The following MACROD2 variants were observed in gnomAD, a reference collection of about 807,000 sequenced individuals.
The protein encoded by MACROD2 is ADP-ribose glycohydrolase MACROD2.
MACROD2 carries 36 observed loss-of-function variants against 70.4 expected under a neutral mutation model. The ratio of observed to expected loss-of-function variants is 0.51; its 90% CI spans 0.39 to 0.68. MACROD2 has a LOEUF of 0.68. MACROD2 is among the 30% of genes least tolerant of loss of function. The pLI, the probability that MACROD2 is intolerant of heterozygous loss-of-function variation, is 0.00. For synonymous variants in MACROD2, 172 were observed against 178.8 expected, an observed-to-expected ratio of 0.96 and a Z score of 0.30; for missense variants, 496 against 538.4, an observed-to-expected ratio of 0.92 and a Z score of 0.78.
At chr20:14,645,702 C>G (rs1157242926) in intron 4 of MACROD2, among the ~76,000 whole-genome samples, 1 of 151,840 alleles carries the variant, frequency 6.6e-6, no homozygotes, top group African/African-American at 2.4e-5. Flanking sequence ...TACTTGCATT[C>G]AAGTGAAAAT....
chr20:14,717,762 A>G (rs2071413392), intron 5 of MACROD2, among the ~76,000 whole-genome samples: 1 of 152,114 alleles, frequency 6.6e-6, no homozygotes, highest in Admixed American at 6.6e-5. Flanking sequence ...GTGGTTTTCC[A>G]TTACTTTCCT....
At chr20:14,320,109 A>AG (rs1219431008) in intron 3 of MACROD2, among the ~76,000 whole-genome samples, 2 of 152,204 alleles carry the variant, frequency 1.3e-5, no homozygotes, top group African/African-American at 4.8e-5. Flanking sequence ...TACTGCGCAC[A>AG]TAGTCACCTG....
At chr20:15,124,141 T>A (rs2076049774) in intron 5 of MACROD2, among the ~76,000 whole-genome samples, 1 of 152,116 alleles carries the variant, frequency 6.6e-6, no homozygotes, top group African/African-American at 2.4e-5. Flanking sequence ...TGATTTTTTT[T>A]GATGCCACTA....
intron 10 of MACROD2, among the ~76,000 whole-genome samples, chr20:15,898,321 G>A (rs1223733584): frequency 1.3e-5 from 2 of 151,978 alleles, no homozygotes; most frequent in Non-Finnish European, 2.9e-5. Flanking sequence ...AGCCCGAGGC[G>A]GGTGGATCAC....
chr20:15,273,952 C>G lies in MACROD2; in HGVS notation c.540+43891C>G, dbSNP rs2077368574. 2.0e-5 allele frequency among the ~76,000 whole-genome samples: 3 copies of G among 152,170 alleles called. No homozygotes were observed. The South Asian group carries it at 6.2e-4, about 32-fold the overall frequency. ...GATAGTATATACCAAGTACTTATCA[C>G]AGTGGTTTGTTAGCAAATAAGCACT... is the stretch of plus-strand genomic sequence containing the variant. On this transcript the variant is annotated intron_variant, in intron 6 of 17. Coordinates refer to ENST00000684519, the MANE Select transcript of MACROD2 (RefSeq NM_001351661.2).
At chr20:14,602,507 A>C (rs1406124605) in intron 4 of MACROD2, among the ~76,000 whole-genome samples, 2 of 152,170 alleles carry the variant, frequency 1.3e-5, no homozygotes, top group Non-Finnish European at 2.9e-5. Flanking sequence ...GTCCTCAGTA[A>C]CTGGCAGAAT....
intron 5 of MACROD2, among the ~76,000 whole-genome samples, chr20:15,223,053 G>A (rs2076875323): frequency 6.6e-6 from 1 of 152,116 alleles, no homozygotes; most frequent in African/African-American, 2.4e-5. Context: ...ATAGGAGTGG[G>A]GGAGTGCAAA....
chr20:14,038,391 A>G (rs923502687), intron 2 of MACROD2, among the ~76,000 whole-genome samples: 1 of 152,248 alleles, frequency 6.6e-6, no homozygotes, highest in Admixed American at 6.5e-5. Context: ...AATGACTACA[A>G]TAACTCCATG....
At chr20:14,619,831 T>C (rs1258525561) in intron 4 of MACROD2, among the ~76,000 whole-genome samples, 2 of 152,124 alleles carry the variant, frequency 1.3e-5, no homozygotes, top group Non-Finnish European at 2.9e-5. Flanking sequence ...TATTTCTTGT[T>C]CGTGCTATGA....
At chr20:14,841,359 A>C (rs1749232507) in intron 5 of MACROD2, among the ~76,000 whole-genome samples, 1 of 152,324 alleles carries the variant, frequency 6.6e-6, no homozygotes, top group South Asian at 2.1e-4. Flanking sequence ...ATTTGTTCTA[A>C]TAGAAACTTT....
At chr20:14,332,007 G>T (rs541168921) in intron 3 of MACROD2, among the ~76,000 whole-genome samples, 1 of 152,060 alleles carries the variant, frequency 6.6e-6, no homozygotes, top group Admixed American at 6.6e-5. Context: ...GGGTAACTTG[G>T]GAGGAAAACA....
At chr20:16,006,032 G>A (rs1007264615) in intron 15 of MACROD2, among the ~76,000 whole-genome samples, 4 of 152,120 alleles carry the variant, frequency 2.6e-5, no homozygotes, top group African/African-American at 7.2e-5. Context: ...TTAAAGACTT[G>A]AGCAATTTCA....
chr20:15,629,179 TTAAC>T (rs1461147105), intron 8 of MACROD2, among the ~76,000 whole-genome samples: 1 of 152,204 alleles, frequency 6.6e-6, no homozygotes. Flanking sequence ...TCTGTTAGCT[TTAAC>T]TATTTTCTAT....
chr20:14,261,862 G>C (rs2082103947), intron 3 of MACROD2, among the ~76,000 whole-genome samples: 1 of 148,326 alleles, frequency 6.7e-6, no homozygotes, highest in South Asian at 2.1e-4. Context: ...AATTTTTGTG[G>C]GAGTCTTGGA....
intron 8 of MACROD2, among the ~76,000 whole-genome samples, chr20:15,567,043 C>T (rs2048319735): frequency 6.7e-6 from 1 of 148,764 alleles, no homozygotes; most frequent in Non-Finnish European, 1.5e-5. Flanking sequence ...AGATTTATGA[C>T]TGAAAGAAAA....
At chr20:14,648,539 G>C (rs910074616) in intron 4 of MACROD2, among the ~76,000 whole-genome samples, 9 of 151,898 alleles carry the variant, frequency 5.9e-5, no homozygotes, top group Non-Finnish European at 1.3e-4. Context: ...GTCCAATGTG[G>C]ATCTTTCTAC....
chr20:14,292,873 G>T (rs2082397678), intron 3 of MACROD2, among the ~76,000 whole-genome samples: 1 of 151,890 alleles, frequency 6.6e-6, no homozygotes, highest in Non-Finnish European at 1.5e-5. Context: ...GACCTCAGGT[G>T]ATCCGCCTGC....
intron 3 of MACROD2, among the ~76,000 whole-genome samples, chr20:14,450,275 T>A (rs369178031): frequency 1.3e-5 from 2 of 152,156 alleles, no homozygotes; most frequent in South Asian, 4.1e-4. Context: ...ATATGCATGT[T>A]GGTTCTAAGA....
At chr20:14,468,519 G>GA (rs36059989) in intron 3 of MACROD2, among the ~76,000 whole-genome samples, 1 of 149,354 alleles carries the variant, frequency 6.7e-6, no homozygotes, top group Non-Finnish European at 1.5e-5. Context: ...CTTTTTTTGG[G>GA]GGGGGGCGTT....
Sources: allele counts gnomAD v4.1 joint callset (sites outside exome capture counted in the v4.1 genomes callset), GRCh38; gene constraint gnomAD v4.1.1; transcripts MANE v1.5; gene names NCBI Gene and HGNC (gene_info 2026-07-23, HGNC 2026-07-21).